PRG3: variants seen among roughly 807,000 people sequenced by gnomAD.
PRG3 encodes proteoglycan 3.
Under a neutral mutation model 26.1 loss-of-function variants are expected in PRG3, and 25 were observed. That is an observed-to-expected ratio of 0.96 (90% confidence interval 0.70 to 1.34). PRG3 has a LOEUF of 1.34. Ranked by LOEUF, PRG3 falls within the 40% of genes most tolerant of loss-of-function variation. PRG3 has a pLI of 0.00. For missense variants in PRG3, 280 were observed against 264.8 expected, an observed-to-expected ratio of 1.06 and a Z score of -0.40; for synonymous variants, 111 against 100.4, an observed-to-expected ratio of 1.11 and a Z score of -0.63.
chr11:57,379,571 C>T lies in PRG3; in HGVS notation c.298G>A (p.Glu100Lys). 1 of 1,613,802 alleles carries T rather than the reference C, an allele frequency of 6.2e-7. No homozygotes were observed. Among genetic ancestry groups the T allele is most frequent in the South Asian group, 1.1e-5 (1 of 91,084 alleles). ...FQCPREEDIV[E>K]VQGSPRCKIC... ...TTGCACCTTGGACTTCCCTGCACTT[C>T]AACAATGTCTTCTTCCCTGGGGCAC... The change falls in exon 3 of 6, where the codon GAA becomes AAA. Residue 100 changes from glutamate to lysine, a missense_variant. By Grantham distance (56) the Glu-to-Lys change is moderately conservative. Transcript: ENST00000287143.
In PRG3 at chr11:57,377,947, A is replaced by G. The variant is rs893116941; in HGVS notation, c.508-111T>C. 6 of 789,006 alleles carry G rather than the reference A, an allele frequency of 7.6e-6. No homozygotes were observed. In the Admixed American group the frequency reaches 9.4e-5, roughly 12 times the overall value. The allele number at this position is 789,006 out of a possible 1,614,324, so 48.9% of individuals were successfully genotyped here. On this transcript the variant is annotated intron_variant, in intron 4 of 5. Coordinates refer to ENST00000287143, the MANE Select transcript of PRG3 (RefSeq NM_006093.4). ...TACCTGGCCAGGAGCCAGACACCCT[A>G]GAGAGCCATTCCTAAGAGTTTCCAG...
chr11:57,380,671 C>T lies in PRG3; in HGVS notation c.38G>A (p.Gly13Glu), dbSNP rs1234253456. Residue 13 changes from glycine (G) to glutamate (E), a missense_variant, in exon 2 of 6, where the codon GGA becomes GAA. By Grantham distance (98) the Gly-to-Glu change is moderately conservative (BLOSUM62 -2). Coordinates refer to ENST00000287143, the MANE Select transcript of PRG3 (RefSeq NM_006093.4). ...CLLLLPFLLL[G>E]TVSALHLEND... ...ACCCAGATGAAGAGCAGAAACTGTTCCCAGCAGGAGAAAGGGCAGGAGCAA... is the reference window on the plus strand; with the variant it reads ...ACCCAGATGAAGAGCAGAAACTGTTTCCAGCAGGAGAAAGGGCAGGAGCAA... The T allele has an allele frequency of 1.3e-6, 2 of 1,578,726 alleles. No individual in the cohort carries two copies. The highest frequency in any genetic ancestry group is 1.7e-6 in the Non-Finnish European group (2 of 1,167,116).
At position 57,376,805 on chromosome 11, in the gene PRG3, TG is replaced by T. The variant is rs763011186; in HGVS notation, c.*44del. On this transcript the variant is annotated 3_prime_UTR_variant, in exon 6 of 6. Coordinates refer to ENST00000287143, the MANE Select transcript of PRG3 (RefSeq NM_006093.4). The stretch of plus-strand genomic sequence containing the variant: ...GTCTGGATTTATGAGCAGGAGAGGT[TG>T]GGGGACGGGAGGGAGCTGCTGGCAG... The T allele has an allele frequency of 1.9e-6, 3 of 1,592,496 alleles. No homozygotes were observed.
chr11:57,376,991 T>G, intron 5 of PRG3, 83 bp from the exon 6 acceptor site: 12 of 1,398,476 alleles, frequency 8.6e-6, no homozygotes, highest in Non-Finnish European at 1.2e-5. Context: ...AGGGGCCCCC[T>G]ATGTCCCCAT....
At chr11:57,377,611 T>G in intron 5 of PRG3, 114 bp downstream of exon 5, 1 of 845,268 alleles carries the variant, frequency 1.2e-6, no homozygotes, top group Non-Finnish European at 1.8e-6. Flanking sequence ...CTTTTGTTCT[T>G]CAGTCAGCGG....
rs1285268194 is a variant in PRG3 at position 57,379,499 on chromosome 11, C to T, written c.370G>A (p.Ala124Thr). The T allele has an allele frequency of 4.4e-6, 7 of 1,606,084 alleles. No homozygotes were observed. The highest frequency in any genetic ancestry group is 6.0e-6 in the Non-Finnish European group (7 of 1,175,298). The change falls in exon 3 of 6, where the codon GCT becomes ACT. Residue 124 changes from alanine to threonine, a missense_variant. Ala to Thr is a moderately conservative substitution (Grantham distance 58). Coordinates refer to ENST00000287143, the MANE Select transcript of PRG3 (RefSeq NM_006093.4). ...GTAGCCTCCCTACTACTTACCTGAG[C>T]TTCTGCAAAAGTTTTAGGAGTCCGC... is the stretch of plus-strand genomic sequence containing the variant. Reference protein sequence around the residue: ...LVRTPKTFAEAQNVCSRCYGG... With the variant: ...LVRTPKTFAETQNVCSRCYGG...
chr11:57,379,206 G>C (rs757122131), intron 3 of PRG3, among the ~76,000 whole-genome samples: 1 of 152,178 alleles, frequency 6.6e-6, no homozygotes, highest in African/African-American at 2.4e-5. Context: ...TAACACAGGC[G>C]TTTCTAACAC....
intron 3 of PRG3, among the ~76,000 whole-genome samples, chr11:57,379,107 T>A (rs1403007971): frequency 6.6e-6 from 1 of 152,258 alleles, no homozygotes; most frequent in Non-Finnish European, 1.5e-5. Context: ...GTGCTATATA[T>A]CTTCGTTTTA....
chr11:57,376,993 T>C, intron 5 of PRG3, 85 bp from the exon 6 acceptor site: 1 of 1,389,708 alleles, frequency 7.2e-7, no homozygotes, highest in South Asian at 1.2e-5. Flanking sequence ...GGGCCCCCTA[T>C]GTCCCCATCT....
chr11:57,376,996 C>A lies in PRG3; in HGVS notation c.620-88G>T. The A allele has an allele frequency of 2.2e-6, 3 of 1,364,622 alleles. No homozygotes were observed. In the South Asian group the frequency reaches 3.5e-5, roughly 16 times the overall value. The allele number at this position is 1,364,622 out of a possible 1,614,324, so 84.5% of individuals were successfully genotyped here. ...TTCCCTCCTCAGGGGCCCCCTATGT[C>A]CCCATCTATGGCCATCGTCATCTGC... On this transcript the variant is annotated intron_variant, in intron 5 of 5. Transcript: ENST00000287143.
At chr11:57,378,474 A>G (rs1008312241) in intron 4 of PRG3, among the ~76,000 whole-genome samples, 1 of 151,862 alleles carries the variant, frequency 6.6e-6, no homozygotes, top group African/African-American at 2.4e-5. Context: ...GCTGATGTCA[A>G]GCTGCAAGCA....
intron 3 of PRG3, among the ~76,000 whole-genome samples, chr11:57,379,272 C>T (rs1029208215): frequency 2.0e-5 from 3 of 152,202 alleles, no homozygotes; most frequent in Admixed American, 6.5e-5. Context: ...TCATCATCAC[C>T]TGGGGATTTG....
Position 57,379,708 on chromosome 11 carries a change from T to A in PRG3, c.161A>T (p.Glu54Val). ...CTCTCCCTCTGCCTGAATCACCTCCTCCGTCAGAGCCAAGTCTCTCTCCTG... is the reference window on the plus strand; with the variant it reads ...CTCTCCCTCTGCCTGAATCACCTCCACCGTCAGAGCCAAGTCTCTCTCCTG... ...KEQERDLALT[E>V]EVIQAEGEEV... Residue 54 changes from glutamate to valine, a missense_variant, in exon 3 of 6, where the codon GAG (glutamate) becomes GTG (valine). Coordinates refer to ENST00000287143, the MANE Select transcript of PRG3 (RefSeq NM_006093.4). 1 of 1,613,962 alleles carries A rather than the reference T, an allele frequency of 6.2e-7. No individual in the cohort carries two copies. The highest frequency in any genetic ancestry group is 1.1e-5 in the South Asian group (1 of 91,084).
intron 4 of PRG3, among the ~76,000 whole-genome samples, chr11:57,378,204 C>T (rs1856962545): frequency 6.6e-6 from 1 of 152,092 alleles, no homozygotes; most frequent in Non-Finnish European, 1.5e-5. Flanking sequence ...TATAATGCCA[C>T]TTATTCACCC....
chr11:57,380,429 A>C (rs866734109), intron 2 of PRG3, among the ~76,000 whole-genome samples: 258 of 150,998 alleles, frequency 1.7e-3, no homozygotes, highest in African/African-American at 5.9e-3. Flanking sequence ...ACAAAAAAAA[A>C]AACAAAAACA....
intron 3 of PRG3, among the ~76,000 whole-genome samples, 189 bp downstream of exon 3, chr11:57,379,305 T>A (rs1357849614): frequency 6.6e-6 from 1 of 152,228 alleles, no homozygotes; most frequent in African/African-American, 2.4e-5. Context: ...ATTCTCAGGC[T>A]TCACCTCAGC....
intron 5 of PRG3, 117 bp from the exon 6 acceptor site, chr11:57,377,025 CTG>C (rs1216188222): frequency 9.6e-7 from 1 of 1,041,542 alleles, no homozygotes; most frequent in Non-Finnish European, 1.5e-6. Flanking sequence ...CATCTGCCAG[CTG>C]TGTGCTTGCC....
rs766777813 is a variant in PRG3 at position 57,379,673 on chromosome 11, C to G, written c.196G>C (p.Ala66Pro). The G allele has an allele frequency of 6.2e-7, 1 of 1,613,950 alleles. No homozygotes were observed. The highest frequency in any genetic ancestry group is 8.5e-7 in the Non-Finnish European group (1 of 1,180,030). Residue 66 changes from alanine to proline, a missense_variant, in exon 3 of 6, where the codon GCT (alanine) becomes CCT (proline). Physicochemically the swap from Ala to Pro is conservative, Grantham distance 27. Coordinates refer to ENST00000287143, the MANE Select transcript of PRG3 (RefSeq NM_006093.4). ...VIQAEGEEVK[A>P]SACQDNFEDE... is the part of the protein sequence containing the mutation. Reference sequence around the variant, plus strand: ...TCAAAGTTGTCTTGACAGGCAGAAGCCTTGACCTCCTCTCCCTCTGCCTGA... The same window carrying G: ...TCAAAGTTGTCTTGACAGGCAGAAGGCTTGACCTCCTCTCCCTCTGCCTGA...
intron 2 of PRG3, among the ~76,000 whole-genome samples, chr11:57,380,416 C>CA (rs869309070): frequency 0.027 from 288 of 10,586 alleles, 2 homozygotes; most frequent in African/African-American, 0.041. Flanking sequence ...AAACAAAAAA[C>CA]AAACAAAAAA....
Sources: gnomAD v4.1 joint callset for allele counts (sites outside exome capture counted in the v4.1 genomes callset) on GRCh38, gnomAD v4.1.1 for gene constraint, MANE v1.5 for transcripts, NCBI Gene and HGNC (gene_info 2026-07-23, HGNC 2026-07-21) for gene names.